HSD3B2: variants seen among roughly 807,000 people sequenced by gnomAD.
The protein encoded by HSD3B2 is hydroxy-delta-5-steroid dehydrogenase, 3 beta- and steroid delta-isomerase 2, also known as 3 beta-hydroxysteroid dehydrogenase/Delta 5-->4-isomerase type 2.
A neutral mutation model predicts 9.9 loss-of-function variants in HSD3B2; 8 were observed. The ratio of observed to expected loss-of-function variants is 0.81; its 90% CI spans 0.47 to 1.46. The LOEUF is 1.46. Ranked by LOEUF, HSD3B2 falls within the 40% of genes most tolerant of loss-of-function variation. The pLI is 0.00. For missense variants in HSD3B2, 410 were observed against 448.3 expected (o/e 0.91, Z 0.77); for synonymous variants, 221 against 184.5 (o/e 1.20, Z -1.60).
At chr1:119,416,552 C>T (rs761120037) in intron 2 of HSD3B2, among the ~76,000 whole-genome samples, 1 of 152,150 alleles carries the variant, frequency 6.6e-6, no homozygotes, top group African/African-American at 2.4e-5. Flanking sequence ...ACTTGACCCC[C>T]GGGCTAATCC....
intron 2 of HSD3B2, 94 bp from the exon 3 acceptor site, chr1:119,419,324 A>G: frequency 8.3e-7 from 1 of 1,202,566 alleles, no homozygotes; most frequent in East Asian, 2.4e-5. Flanking sequence ...CCACACTCTA[A>G]TCTCTTTGAG....
intron 2 of HSD3B2, 24 bp downstream of exon 2, chr1:119,415,585 C>T (rs200228487): frequency 1.1e-5 from 17 of 1,612,854 alleles, no homozygotes; most frequent in African/African-American, 2.7e-5. Flanking sequence ...AGTCATGGGT[C>T]TGTGGCTCCA....
intron 3 of HSD3B2, chr1:119,420,023 C>T (rs1651818237): frequency 8.0e-6 from 2 of 249,466 alleles, no homozygotes; most frequent in South Asian, 1.1e-4. Context: ...CTGATGAGAA[C>T]ATTCAGAGTC....
chr1:119,421,973 A>G lies in HSD3B2; in HGVS notation c.472A>G (p.Lys158Glu). The G allele has an allele frequency of 6.2e-7, 1 of 1,614,108 alleles. No homozygotes were observed. ...NTWPTPYPYS[K>E]KLAEKAVLAA... ...ATGGCCCACTCCATACCCGTACAGC[A>G]AAAAGCTTGCTGAGAAGGCTGTGCT... Residue 158 changes from lysine to glutamate, a missense_variant, in exon 4 of 4, where the codon AAA (lysine) becomes GAA (glutamate). Physicochemically the swap from Lys to Glu is moderately conservative, Grantham distance 56 (BLOSUM62 1). Transcript: ENST00000369416.
At position 119,422,894 on chromosome 1, in the gene HSD3B2, C is replaced by G. The variant is rs1651935002; in HGVS notation, c.*274C>G. ...GGCTGATTCTGAACAATTGTGGTCTCTCTTAACTTGAGGTTCTCTTTTGAC... is the reference window on the plus strand; with the variant it reads ...GGCTGATTCTGAACAATTGTGGTCTGTCTTAACTTGAGGTTCTCTTTTGAC... On this transcript the variant is annotated 3_prime_UTR_variant, in exon 4 of 4. Coordinates refer to ENST00000369416, the MANE Select transcript of HSD3B2 (RefSeq NM_000198.4). 2.7e-5 allele frequency: 15 copies of G among 547,682 alleles called. No individual in the cohort carries two copies. In the South Asian group the frequency reaches 3.1e-4, roughly 11 times the overall value. The allele number at this position is 547,682 out of a possible 1,614,324, so 33.9% of individuals were successfully genotyped here.
At chr1:119,418,054 A>G (rs56326451) in intron 2 of HSD3B2, among the ~76,000 whole-genome samples, 21 of 152,004 alleles carry the variant, frequency 1.4e-4, no homozygotes, top group Non-Finnish European at 2.9e-5. Context: ...TCTGAGCTCC[A>G]TGTAGCATGG....
rs946411483 is a variant in HSD3B2, at chr1:119,422,068, C to G, written c.567C>G (p.Ile189Met). ...CTTGTGCGTTAAGACCCACATATAT[C>G]TATGGGGAAGGAGGCCCATTCCTTT... ...LYTCALRPTY[I>M]YGEGGPFLSA... Residue 189 changes from isoleucine to methionine, a missense_variant, in exon 4 of 4, where the codon ATC (isoleucine) becomes ATG (methionine). By Grantham distance (10) the Ile-to-Met change is conservative. Coordinates refer to ENST00000369416, the MANE Select transcript of HSD3B2 (RefSeq NM_000198.4). The G allele has an allele frequency of 2.5e-6, 4 of 1,613,966 alleles. No homozygotes were observed. The highest frequency in any genetic ancestry group is 1.7e-5 in the Admixed American group (1 of 60,008).
At chr1:119,417,675 C>T (rs189515165) in intron 2 of HSD3B2, among the ~76,000 whole-genome samples, 9 of 152,220 alleles carry the variant, frequency 5.9e-5, no homozygotes, top group East Asian at 3.9e-4. Flanking sequence ...AATGGTCCCA[C>T]CTGTATCCCA....
Position 119,422,432 on chromosome 1 carries a change from CA to C in HSD3B2, c.933del (p.Gln311HisfsTer57). The C allele has an allele frequency of 6.2e-7, 1 of 1,614,116 alleles. No individual in the cohort carries two copies. Among genetic ancestry groups the C allele is most frequent in the East Asian group, 2.2e-5 (1 of 44,860 alleles). ...SFLLSPIYSY[Q>X]PPFNRHTVTL... The stretch of plus-strand genomic sequence containing the variant: ...CCTACTCAGCCCAATTTACTCCTAT[CA>C]ACCCCCCTTCAACCGCCACACAGTC... On this transcript the variant is annotated frameshift_variant, in exon 4 of 4. Coordinates refer to ENST00000369416, the MANE Select transcript of HSD3B2 (RefSeq NM_000198.4). LOFTEE classifies it low-confidence loss of function (END_TRUNC).
chr1:119,420,562 A>G (rs1651832432), intron 3 of HSD3B2, among the ~76,000 whole-genome samples: 1 of 152,208 alleles, frequency 6.6e-6, no homozygotes, highest in Non-Finnish European at 1.5e-5. Context: ...ATAAGAAATG[A>G]CAAGGGGAGT....
chr1:119,422,586 G>A lies in HSD3B2; in HGVS notation c.1085G>A (p.Arg362Gln), dbSNP rs777718760. Reference sequence around the variant, plus strand: ...GAGTGGGTTGGTTCCCTTGTGGACCGGCACAAGGAGACCCTGAAGTCCAAG... The same window carrying A: ...GAGTGGGTTGGTTCCCTTGTGGACCAGCACAAGGAGACCCTGAAGTCCAAG... The part of the protein sequence containing the change: ...TVEWVGSLVD[R>Q]HKETLKSKTQ The change falls in exon 4 of 4, where the codon CGG (arginine) becomes CAG (glutamine). Residue 362 changes from arginine to glutamine, a missense_variant. Physicochemically the swap from Arg to Gln is conservative, Grantham distance 43. Transcript: ENST00000369416. 58 of 1,614,022 alleles carry A rather than the reference G, an allele frequency of 3.6e-5. 1 individual carries two copies. In the Admixed American group the frequency reaches 3.7e-4, roughly 10 times the overall value.
At position 119,422,479 on chromosome 1, in the gene HSD3B2, C is replaced by G; in HGVS notation, c.978C>G (p.Phe326Leu). 6.2e-7 allele frequency: 1 copy of G among 1,614,104 alleles called. No homozygotes were observed. Among genetic ancestry groups the G allele is most frequent in the Non-Finnish European group, 8.5e-7 (1 of 1,179,994 alleles). ...CAGTCACATTATCAAATAGTGTGTTCACCTTCTCTTACAAGAAGGCTCAGC... is the reference window on the plus strand; with the variant it reads ...CAGTCACATTATCAAATAGTGTGTTGACCTTCTCTTACAAGAAGGCTCAGC... ...RHTVTLSNSVFTFSYKKAQRD... is the reference protein window; with the variant it reads ...RHTVTLSNSVLTFSYKKAQRD... Residue 326 changes from phenylalanine to leucine, a missense_variant, in exon 4 of 4, where the codon TTC becomes TTG. Physicochemically the swap from Phe to Leu is conservative, Grantham distance 22. Transcript: ENST00000369416.
At chr1:119,421,417 GTATATATA>G (rs200307081) in intron 3 of HSD3B2, among the ~76,000 whole-genome samples, 10 of 90,316 alleles carry the variant, frequency 1.1e-4, no homozygotes, top group South Asian at 3.6e-4. Context: ...ATATATATAT[GTATATATA>G]TGTATATATA....
chr1:119,419,975 G>T (rs1651815418), intron 3 of HSD3B2: 1 of 316,936 alleles, frequency 3.2e-6, no homozygotes, highest in Non-Finnish European at 6.1e-6. Flanking sequence ...GACCTTCCAG[G>T]TGCCACCATA....
chr1:119,415,637 G>GA, intron 2 of HSD3B2, 76 bp downstream of exon 2: 1 of 1,496,484 alleles, frequency 6.7e-7, no homozygotes, highest in South Asian at 1.1e-5. Flanking sequence ...ACCTTGTCTA[G>GA]CAAGTTAAGG....
Position 119,415,239 on chromosome 1 carries a change from C to A in HSD3B2, c.-90+37C>A, listed in dbSNP as rs1651670269. On this transcript the variant is annotated intron_variant, in intron 1 of 3. Coordinates refer to ENST00000369416, the MANE Select transcript of HSD3B2 (RefSeq NM_000198.4). ...CTCCTTTTCTTTCAACTACTCCTGG[C>A]AGTTGTGGGGTCATGGAATTTTTGT... 8.7e-5 allele frequency: 55 copies of A among 631,604 alleles called. 1 individual carries two copies. In the South Asian group the frequency reaches 9.5e-4, roughly 11 times the overall value. 39.1% of individuals were successfully genotyped at this position (631,604 alleles called of 1,614,324 possible). A position where few individuals can be genotyped will look rare whatever the true frequency, so the allele number is the denominator to read the frequency against.
Position 119,422,797 on chromosome 1 carries a change from C to T in HSD3B2, c.*177C>T, listed in dbSNP as rs886045199. Reference sequence around the variant, plus strand: ...CATCAAAATCTGCACAGTCACTGGCCCAACCAGAACTTTCTGTCCTAATCA... The same window carrying T: ...CATCAAAATCTGCACAGTCACTGGCTCAACCAGAACTTTCTGTCCTAATCA... On this transcript the variant is annotated 3_prime_UTR_variant, in exon 4 of 4. Transcript: ENST00000369416. 3.6e-5 allele frequency: 26 copies of T among 728,660 alleles called. No individual in the cohort carries two copies. The highest frequency in any genetic ancestry group is 6.1e-5 in the Non-Finnish European group (26 of 427,032). 45.1% of individuals were successfully genotyped at this position (728,660 alleles called of 1,614,324 possible). A position where few individuals can be genotyped will look rare whatever the true frequency, so the allele number is the denominator to read the frequency against.
At position 119,420,673 on chromosome 1, in the gene HSD3B2, T is replaced by G. The variant is rs140602338; in HGVS notation, c.307+1091T>G. 5.9e-3 allele frequency among the ~76,000 whole-genome samples: 897 copies of G among 152,298 alleles called. 10 individuals carry two copies. Among genetic ancestry groups the G allele is most frequent in the African/African-American group, 0.021 (867 of 41,554 alleles). On this transcript the variant is annotated intron_variant, in intron 3 of 3. Transcript: ENST00000369416. ...GAGGCTGTCTCTCCAGAAACTCAAA[T>G]TGCACAGAGACTTTAAAAGTGGCTA...
chr1:119,421,178 A>T (rs1418624212), intron 3 of HSD3B2, among the ~76,000 whole-genome samples: 1 of 151,966 alleles, frequency 6.6e-6, no homozygotes, highest in East Asian at 1.9e-4. Flanking sequence ...TGTGTGTAAC[A>T]CAAATTCTTC....
Sources: gnomAD v4.1 joint callset for allele counts (sites outside exome capture counted in the v4.1 genomes callset) on GRCh38, gnomAD v4.1.1 for gene constraint, MANE v1.5 for transcripts, NCBI Gene and HGNC (gene_info 2026-07-23, HGNC 2026-07-21) for gene names.